The following DYNLT1 variants were observed in gnomAD, a reference collection of about 807,000 sequenced individuals.
DYNLT1 encodes T-complex testis-specific protein 1 homolog.
DYNLT1 carries 18 observed loss-of-function variants against 19.6 expected under a neutral mutation model. The ratio of observed to expected loss-of-function variants is 0.92; its 90% CI spans 0.64 to 1.36. DYNLT1 has a LOEUF of 1.36. Ranked by LOEUF, DYNLT1 falls within the 40% of genes most tolerant of loss-of-function variation. DYNLT1 has a pLI of 0.00. For missense variants in DYNLT1, 137 were observed against 139.3 expected (o/e 0.98, Z 0.08); for synonymous variants, 56 against 44.0 (o/e 1.27, Z -1.07).
chr6:158,636,892 AG>A lies in DYNLT1; in HGVS notation c.276del (p.Cys93AlafsTer35), dbSNP rs751851642. ...SCFWDSSTDG[S>X]CTVRWENKTM... is the part of the protein sequence containing the mutation. ...GTCTTATTCTCCCATCGCACAGTGC[AG>A]CTCCCTGCGGGAGGGAAGAGAGCAG... On this transcript the variant is annotated frameshift_variant, in exon 5 of 5. Coordinates refer to ENST00000367089, the MANE Select transcript of DYNLT1 (RefSeq NM_006519.4). LOFTEE classifies it high-confidence loss of function. 8 of 1,613,584 alleles carry A rather than the reference AG, an allele frequency of 5.0e-6. No individual in the cohort carries two copies. The South Asian group carries it at 8.8e-5, about 18-fold the overall frequency.
chr6:158,640,757 G>A (rs1787119336), intron 2 of DYNLT1, among the ~76,000 whole-genome samples: 1 of 152,210 alleles, frequency 6.6e-6, no homozygotes, highest in African/African-American at 2.4e-5. Context: ...CAGCAGGACT[G>A]TTTGATGTGT....
At chr6:158,641,227 A>C (rs1202916402) in intron 2 of DYNLT1, 92 bp downstream of exon 2, 1 of 1,208,892 alleles carries the variant, frequency 8.3e-7, no homozygotes. Flanking sequence ...ACACAGACTC[A>C]GTCGAAACAA....
chr6:158,637,254 A>C, intron 3 of DYNLT1, 49 bp from the exon 4 acceptor site: 2 of 1,542,310 alleles, frequency 1.3e-6, no homozygotes, highest in Non-Finnish European at 1.8e-6. Flanking sequence ...GGTAACACAA[A>C]TGTCATTCTG....
intron 1 of DYNLT1, among the ~76,000 whole-genome samples, chr6:158,643,116 A>G (rs1787178096): frequency 6.6e-6 from 1 of 152,214 alleles, no homozygotes; most frequent in Non-Finnish European, 1.5e-5. Flanking sequence ...GATCTCGAAT[A>G]ATGAAGCCAC....
rs1583071608 is a variant in DYNLT1, at chr6:158,636,850, T to C, written c.319A>G (p.Ser107Gly). 4 of 1,612,818 alleles carry C rather than the reference T, an allele frequency of 2.5e-6. No homozygotes were observed. The highest frequency in any genetic ancestry group is 2.5e-6 in the Non-Finnish European group (3 of 1,179,442). The part of the protein sequence containing the change: ...WENKTMYCIV[S>G]AFGLSI ...GGTCAAATAGACAGTCCGAAGGCAC[T>C]GACGATGCAGTACATGGTCTTATTC... The change falls in exon 5 of 5, where the codon AGT becomes GGT. Residue 107 changes from serine to glycine, a missense_variant. Ser to Gly is a moderately conservative substitution (Grantham distance 56, BLOSUM62 0). Transcript: ENST00000367089.
rs1036350575 is a variant in DYNLT1 at position 158,637,306 on chromosome 6, T to C, written c.194-101A>G. 4.7e-5 allele frequency: 50 copies of C among 1,057,646 alleles called. No individual in the cohort carries two copies. In the East Asian group the frequency reaches 1.2e-3, roughly 25 times the overall value. The allele number at this position is 1,057,646 out of a possible 1,614,324, so 65.5% of individuals were successfully genotyped here. A position where few individuals can be genotyped will look rare whatever the true frequency, so the allele number is the denominator to read the frequency against. On this transcript the variant is annotated intron_variant, in intron 3 of 4. Transcript: ENST00000367089. ...GTACAATGTATGTAGCTCCACGTGG[T>C]TGATGTTCTCGATAAAAATTATAGG...
In DYNLT1 at chr6:158,643,978, C is replaced by A. The variant is rs141875978; in HGVS notation, c.27+704G>T. Among the ~76,000 whole-genome samples the A allele has an allele frequency of 1.9e-3, 296 of 151,888 alleles. 1 individual carries two copies. Among genetic ancestry groups the A allele is most frequent in the Non-Finnish European group, 2.7e-3 (185 of 67,958 alleles). On this transcript the variant is annotated intron_variant, in intron 1 of 4. Coordinates refer to ENST00000367089, the MANE Select transcript of DYNLT1 (RefSeq NM_006519.4). Reference sequence around the variant, plus strand: ...GAATGACCGTGAGCTTGAAGGAAAGCCATTTAACGCACACGGTGCCGATGG... The same window carrying A: ...GAATGACCGTGAGCTTGAAGGAAAGACATTTAACGCACACGGTGCCGATGG...
At chr6:158,644,445 C>A (rs1411298913) in intron 1 of DYNLT1, among the ~76,000 whole-genome samples, 1 of 152,174 alleles carries the variant, frequency 6.6e-6, no homozygotes, top group African/African-American at 2.4e-5. Flanking sequence ...CCCGGTGCCT[C>A]CCCGCGCGGG....
At chr6:158,637,302 GTGGT>G in intron 3 of DYNLT1, 97 bp from the exon 4 acceptor site, 1 of 1,074,092 alleles carries the variant, frequency 9.3e-7, no homozygotes. Flanking sequence ...GTAGCTCCAC[GTGGT>G]TGATGTTCTC....
chr6:158,641,435 G>C (rs2128337568), intron 1 of DYNLT1, 75 bp from the exon 2 acceptor site: 3 of 1,298,644 alleles, frequency 2.3e-6, no homozygotes, highest in Non-Finnish European at 3.2e-6. Context: ...TGCAAATGTA[G>C]GTAATGAACA....
chr6:158,637,039 T>A (rs761035906), intron 4 of DYNLT1, 89 bp downstream of exon 4: 1 of 1,560,548 alleles, frequency 6.4e-7, no homozygotes, highest in Non-Finnish European at 8.8e-7. Context: ...TTTTAAAAGG[T>A]GATAAACATG....
intron 4 of DYNLT1, 95 bp from the exon 5 acceptor site, chr6:158,636,992 G>C (rs1461678327): frequency 6.5e-7 from 1 of 1,538,792 alleles, no homozygotes; most frequent in African/African-American, 1.4e-5. Context: ...CCATCTCTAT[G>C]CTACACAAAG....
Position 158,637,821 on chromosome 6 carries a change from TCTA to T in DYNLT1, c.140_142del (p.Val47del), listed in dbSNP as rs774612118. 25 of 1,613,044 alleles carry T rather than the reference TCTA, an allele frequency of 1.5e-5. No individual in the cohort carries two copies. The Admixed American group carries it at 3.7e-4, about 24-fold the overall frequency. On this transcript the variant is annotated inframe_deletion, in exon 3 of 5. Coordinates refer to ENST00000367089, the MANE Select transcript of DYNLT1 (RefSeq NM_006519.4). The stretch of plus-strand genomic sequence containing the variant: ...CTTGGTGAGTTGGCTTAAAGTTTGT[TCTA>T]CTACATTTGTGGTCCACTGGTTCAC...
chr6:158,636,734 AAG>A lies in DYNLT1; in HGVS notation c.*91_*92del, dbSNP rs576274744. On this transcript the variant is annotated 3_prime_UTR_variant, in exon 5 of 5. Transcript: ENST00000367089. ...TACATTGTGAAAGTGCCACAAAACA[AAG>A]AGAATGAGAAAAGAGTTCACTGAAT... 7.5e-4 allele frequency: 1,049 copies of A among 1,407,672 alleles called. 3 individuals are homozygous for A. The Middle Eastern group carries it at 0.012, about 16-fold the overall frequency. The allele number at this position is 1,407,672 out of a possible 1,614,324, so 87.2% of individuals were successfully genotyped here. A position where few individuals can be genotyped will look rare whatever the true frequency, so the allele number is the denominator to read the frequency against.
intron 1 of DYNLT1, 43 bp from the exon 2 acceptor site, chr6:158,641,403 A>G (rs192853601): frequency 3.9e-6 from 6 of 1,520,656 alleles, no homozygotes; most frequent in African/African-American, 1.4e-5. Flanking sequence ...TATTTAAAAG[A>G]TATTTCCACT....
intron 1 of DYNLT1, among the ~76,000 whole-genome samples, chr6:158,643,671 G>A (rs190870803): frequency 5.3e-5 from 8 of 152,174 alleles, no homozygotes; most frequent in Non-Finnish European, 2.9e-5. Flanking sequence ...AAAAGAGACG[G>A]GGTTTCTCCA....
At chr6:158,644,584 A>T (rs1334046515) in intron 1 of DYNLT1, 98 bp downstream of exon 1, 1 of 1,446,422 alleles carries the variant, frequency 6.9e-7, no homozygotes, top group Non-Finnish European at 9.5e-7. Flanking sequence ...GGCCTAGCTG[A>T]AGGAGGTGGG....
At chr6:158,640,975 A>T (rs1028810540) in intron 2 of DYNLT1, among the ~76,000 whole-genome samples, 3 of 152,204 alleles carry the variant, frequency 2.0e-5, no homozygotes, top group African/African-American at 7.2e-5. Flanking sequence ...GAATAACTGG[A>T]AATTGATTGT....
At chr6:158,640,922 A>G (rs1787122688) in intron 2 of DYNLT1, among the ~76,000 whole-genome samples, 1 of 152,240 alleles carries the variant, frequency 6.6e-6, no homozygotes, top group Non-Finnish European at 1.5e-5. Context: ...TAGGAATGTA[A>G]GAAAAGTAAG....
Sources: gnomAD v4.1 joint callset for allele counts (sites outside exome capture counted in the v4.1 genomes callset) on GRCh38, gnomAD v4.1.1 for gene constraint, MANE v1.5 for transcripts, NCBI Gene and HGNC (gene_info 2026-07-23, HGNC 2026-07-21) for gene names.